The following PCYOX1 variants were observed in gnomAD, a reference collection of about 807,000 sequenced individuals.
The protein encoded by PCYOX1 is prenylcysteine lyase.
PCYOX1 carries 46 observed loss-of-function variants against 46.4 expected under a neutral mutation model. The observed-to-expected ratio is 0.99, with a 90% CI of 0.78 to 1.27. The LOEUF (loss-of-function observed/expected upper bound fraction) is 1.27, where lower values mean the gene tolerates loss of function less well. PCYOX1 is among the 50% of genes most tolerant of loss of function. The pLI is 0.00. For missense variants in PCYOX1, 658 were observed against 628.3 expected, an observed-to-expected ratio of 1.05 and a Z score of -0.51; for synonymous variants, 220 against 231.8, an observed-to-expected ratio of 0.95 and a Z score of 0.46.
chr2:70,269,121 C>T (rs1696567226), intron 3 of PCYOX1, among the ~76,000 whole-genome samples: 1 of 149,880 alleles, frequency 6.7e-6, no homozygotes, highest in African/African-American at 2.4e-5. Context: ...ATCATTTGAT[C>T]ATATTCATGA....
At chr2:70,261,561 A>T (rs960647510) in intron 3 of PCYOX1, among the ~76,000 whole-genome samples, 175 bp downstream of exon 3, 1 of 152,192 alleles carries the variant, frequency 6.6e-6, no homozygotes, top group Non-Finnish European at 1.5e-5. Flanking sequence ...TTGCTTGGAT[A>T]TTGAAAGGTT....
chr2:70,275,405 G>C (rs2104900005), intron 4 of PCYOX1, 109 bp from the exon 5 acceptor site: 1 of 1,170,648 alleles, frequency 8.5e-7, no homozygotes, highest in Non-Finnish European at 1.2e-6. Context: ...GGGCCATTTA[G>C]CAATGTCTAG....
Position 70,277,141 on chromosome 2 carries a change from C to G in PCYOX1, c.1267C>G (p.Leu423Val). ...LTKAQILKLFLSYDYAVKKPW... is the reference protein window; with the variant it reads ...LTKAQILKLFVSYDYAVKKPW... Reference sequence around the variant, plus strand: ...TAAAGCACAAATTTTAAAGCTCTTTCTGTCCTATGATTATGCTGTGAAGAA... The same window carrying G: ...TAAAGCACAAATTTTAAAGCTCTTTGTGTCCTATGATTATGCTGTGAAGAA... Residue 423 changes from leucine (L) to valine (V), a missense_variant, in exon 6 of 6, where the codon CTG (leucine) becomes GTG (valine). Transcript: ENST00000433351. 6.2e-7 allele frequency: 1 copy of G among 1,614,178 alleles called. No individual in the cohort carries two copies. The highest frequency in any genetic ancestry group is 2.2e-5 in the East Asian group (1 of 44,890).
intron 3 of PCYOX1, 55 bp from the exon 4 acceptor site, chr2:70,274,904 A>T: frequency 2.8e-6 from 3 of 1,086,902 alleles, no homozygotes; most frequent in Non-Finnish European, 4.3e-6. Context: ...TTCTTTATAC[A>T]TCCCCTTCCC....
chr2:70,277,665 G>T lies in PCYOX1; in HGVS notation c.*273G>T. The T allele has an allele frequency of 3.3e-6, 1 of 303,436 alleles. No individual in the cohort carries two copies. The highest frequency in any genetic ancestry group is 6.1e-5 in the East Asian group (1 of 16,390). 18.8% of individuals were successfully genotyped at this position (303,436 alleles called of 1,614,324 possible). On this transcript the variant is annotated 3_prime_UTR_variant, in exon 6 of 6. Coordinates refer to ENST00000433351, the MANE Select transcript of PCYOX1 (RefSeq NM_016297.4). ...TGTCTGATAATAAGAATCACCTGGA[G>T]TTAGGAGGTGGTGGTTGCAGTGAGC... is the stretch of plus-strand genomic sequence containing the variant.
In PCYOX1 at chr2:70,259,408, G is replaced by C; in HGVS notation, c.161G>C (p.Arg54Pro). Residue 54 changes from arginine to proline, a missense_variant, in exon 2 of 6, where the codon CGG (arginine) becomes CCG (proline). Coordinates refer to ENST00000433351, the MANE Select transcript of PCYOX1 (RefSeq NM_016297.4). Reference sequence around the variant, plus strand: ...GGCACTTCAGCAGCCTATTACCTGCGGCAGAAATTTGGGAAAGATGTGAAG... The same window carrying C: ...GGCACTTCAGCAGCCTATTACCTGCCGCAGAAATTTGGGAAAGATGTGAAG... ...IGGTSAAYYL[R>P]QKFGKDVKID... The C allele has an allele frequency of 1.9e-6, 3 of 1,614,098 alleles. No homozygotes were observed. The South Asian group carries it at 3.3e-5, about 18-fold the overall frequency.
Position 70,275,677 on chromosome 2 carries a change from A to G in PCYOX1, c.859+11A>G. On this transcript the variant is annotated intron_variant, in intron 5 of 5. Coordinates refer to ENST00000433351, the MANE Select transcript of PCYOX1 (RefSeq NM_016297.4). ...AGACCAAGTACACAGGTAAGCTTGA[A>G]TTTCTTATTGTTCCTGATATCCCCT... is the stretch of plus-strand genomic sequence containing the variant. 1 of 1,598,434 alleles carries G rather than the reference A, an allele frequency of 6.3e-7. No individual in the cohort carries two copies. Among genetic ancestry groups the G allele is most frequent in the East Asian group, 2.3e-5 (1 of 44,142 alleles).
At chr2:70,258,922 C>T (rs565535921) in intron 1 of PCYOX1, among the ~76,000 whole-genome samples, 1 of 152,224 alleles carries the variant, frequency 6.6e-6, no homozygotes, top group Non-Finnish European at 1.5e-5. Context: ...CTCCCGCCCC[C>T]CTTTAAAGTT....
chr2:70,276,081 C>T (rs953486539), intron 5 of PCYOX1, among the ~76,000 whole-genome samples: 54 of 124,854 alleles, frequency 4.3e-4, no homozygotes, highest in African/African-American at 1.6e-3. Context: ...GCCTGGGTGA[C>T]GGAGTGAGAC....
At chr2:70,276,702 TA>T in intron 5 of PCYOX1, 31 bp from the exon 6 acceptor site, 1 of 1,319,514 alleles carries the variant, frequency 7.6e-7, no homozygotes, top group Non-Finnish European at 1.1e-6. Context: ...TTAGAAACAC[TA>T]AACAAATATA....
chr2:70,278,048 A>G lies in PCYOX1; in HGVS notation c.*656A>G, dbSNP rs895660391. ...ACGTGTGCCCATGCCTAAAGCCTTG[A>G]CTTTCAGAATGTTGTCTTTTGATTC... is the stretch of plus-strand genomic sequence containing the variant. On this transcript the variant is annotated 3_prime_UTR_variant, in exon 6 of 6. Coordinates refer to ENST00000433351, the MANE Select transcript of PCYOX1 (RefSeq NM_016297.4). The G allele has an allele frequency of 6.6e-6, 1 of 152,276 alleles. No homozygotes were observed. Among genetic ancestry groups the G allele is most frequent in the East Asian group, 1.9e-4 (1 of 5,188 alleles). 9.4% of individuals were successfully genotyped at this position (152,276 alleles called of 1,614,324 possible).
rs760161770 is a variant in PCYOX1, at chr2:70,276,748, A to T, written c.874A>T (p.Met292Leu). Residue 292 changes from methionine (M) to leucine (L), a missense_variant, in exon 6 of 6, where the codon ATG becomes TTG. Met to Leu is a conservative substitution (Grantham distance 15, BLOSUM62 2). Transcript: ENST00000433351. ...ATTTCCTCTAGGAAATCCAACAAAG[A>T]TGTATGAAGTGGTCTACCAAATTGG... ...KTKYTGNPTK[M>L]YEVVYQIGTE... is the part of the protein sequence containing the mutation. The T allele has an allele frequency of 1.3e-6, 2 of 1,578,416 alleles. No homozygotes were observed. Among genetic ancestry groups the T allele is most frequent in the Non-Finnish European group, 1.7e-6 (2 of 1,162,234 alleles).
At chr2:70,259,233 TC>T (rs1559032890) in intron 1 of PCYOX1, 126 bp from the exon 2 acceptor site, 2 of 803,578 alleles carry the variant, frequency 2.5e-6, no homozygotes, top group Non-Finnish European at 4.2e-6. Flanking sequence ...GTGTCACTCT[TC>T]CCCCACCAAA....
At chr2:70,261,898 A>G (rs571692022) in intron 3 of PCYOX1, among the ~76,000 whole-genome samples, 16 of 152,346 alleles carry the variant, frequency 1.1e-4, no homozygotes, top group East Asian at 3.9e-4. Context: ...ATGGCCTTTA[A>G]TAGTGACATG....
intron 3 of PCYOX1, among the ~76,000 whole-genome samples, chr2:70,273,170 A>G (rs1696624789): frequency 6.6e-6 from 1 of 152,062 alleles, no homozygotes; most frequent in Admixed American, 6.6e-5. Context: ...TTTTTATAGC[A>G]TCATTAGTAG....
At chr2:70,268,604 C>T (rs182660949) in intron 3 of PCYOX1, among the ~76,000 whole-genome samples, 1 of 152,110 alleles carries the variant, frequency 6.6e-6, no homozygotes, top group African/African-American at 2.4e-5. Context: ...TCGAGACCAG[C>T]CTGACCAACA....
At chr2:70,262,983 C>T (rs1490058850) in intron 3 of PCYOX1, among the ~76,000 whole-genome samples, 1 of 152,106 alleles carries the variant, frequency 6.6e-6, no homozygotes, top group Non-Finnish European at 1.5e-5. Context: ...CCTCTAATCC[C>T]AGAATTTTGG....
chr2:70,268,380 C>T (rs911148421), intron 3 of PCYOX1, among the ~76,000 whole-genome samples: 1 of 152,106 alleles, frequency 6.6e-6, no homozygotes. Context: ...GCTCTCATCC[C>T]TTACTTTTAA....
intron 3 of PCYOX1, among the ~76,000 whole-genome samples, chr2:70,267,365 C>A (rs1449187182): frequency 1.3e-5 from 2 of 151,674 alleles, no homozygotes; most frequent in South Asian, 4.2e-4. Context: ...GGCAAAGACA[C>A]TCCTCACTTC....
Sources: allele counts gnomAD v4.1 joint callset (sites outside exome capture counted in the v4.1 genomes callset), GRCh38; gene constraint gnomAD v4.1.1; transcripts MANE v1.5; gene names NCBI Gene and HGNC (gene_info 2026-07-23, HGNC 2026-07-21).